The following PLXNA4 variants were observed in gnomAD, a reference collection of about 807,000 sequenced individuals.
PLXNA4 encodes the protein plexin-A4.
In PLXNA4, 44 loss-of-function variants were observed where a neutral mutation model predicts 191.8. The ratio of observed to expected loss-of-function variants is 0.23; its 90% CI spans 0.18 to 0.29. The LOEUF (loss-of-function observed/expected upper bound fraction) is 0.29. Ranked by LOEUF, PLXNA4 falls within the 10% of genes least tolerant of loss-of-function variation. The pLI, the probability that PLXNA4 is intolerant of heterozygous loss-of-function variation, is 1.00. For missense variants in PLXNA4, 1,800 were observed against 2,488.8 expected (o/e 0.72, Z 5.89); for synonymous variants, 1,082 against 1,009.5 (o/e 1.07, Z -1.36).
At chr7:132,210,244 C>T (rs893386577) in intron 10 of PLXNA4, among the ~76,000 whole-genome samples, 2 of 152,174 alleles carry the variant, frequency 1.3e-5, no homozygotes, top group Non-Finnish European at 2.9e-5. Flanking sequence ...GCTGGAAAGG[C>T]AACATGGCAG....
intron 3 of PLXNA4, among the ~76,000 whole-genome samples, chr7:132,428,777 T>A (rs1050672493): frequency 1.3e-5 from 2 of 151,996 alleles, no homozygotes; most frequent in Non-Finnish European, 2.9e-5. Flanking sequence ...TTGTTTCCAA[T>A]CAGTTTAGGA....
At chr7:132,131,616 G>T (rs1794929146) in intron 31 of PLXNA4, among the ~76,000 whole-genome samples, 1 of 152,252 alleles carries the variant, frequency 6.6e-6, no homozygotes, top group Admixed American at 6.5e-5. Flanking sequence ...AGCTGGCCAA[G>T]AACTGTCATT....
intron 1 of PLXNA4, among the ~76,000 whole-genome samples, chr7:132,553,975 G>A (rs1349627314): frequency 1.3e-5 from 2 of 152,132 alleles, no homozygotes; most frequent in African/African-American, 4.8e-5. Flanking sequence ...ACACACTACA[G>A]TGTATATCAC....
At chr7:132,313,285 G>A (rs1801817696) in intron 3 of PLXNA4, among the ~76,000 whole-genome samples, 1 of 152,220 alleles carries the variant, frequency 6.6e-6, no homozygotes, top group Non-Finnish European at 1.5e-5. Flanking sequence ...TGGATGGTGG[G>A]AGTCTGAGAC....
chr7:132,452,592 G>C (rs544397608), intron 3 of PLXNA4, among the ~76,000 whole-genome samples: 2 of 152,186 alleles, frequency 1.3e-5, no homozygotes, highest in African/African-American at 2.4e-5. Flanking sequence ...AAGGTGTAAG[G>C]GTCCAGCTCC....
At chr7:132,574,331 T>C (rs1307223881) in intron 1 of PLXNA4, among the ~76,000 whole-genome samples, 1 of 152,246 alleles carries the variant, frequency 6.6e-6, no homozygotes, top group African/African-American at 2.4e-5. Context: ...ACTGTTTACC[T>C]GGGAGGCACC....
chr7:132,412,400 G>A (rs920568657), intron 3 of PLXNA4, among the ~76,000 whole-genome samples: 4 of 152,118 alleles, frequency 2.6e-5, no homozygotes, highest in South Asian at 2.1e-4. Context: ...TCATGGAGCC[G>A]ATCACCTTGC....
At position 132,128,295 on chromosome 7, in the gene PLXNA4, C is replaced by G. The variant is rs1794833367; in HGVS notation, c.*2184G>C. On this transcript the variant is annotated 3_prime_UTR_variant, in exon 32 of 32. Coordinates refer to ENST00000321063, the MANE Select transcript of PLXNA4 (RefSeq NM_020911.2). ...CTTTGGTTATTTATTTTTTTTCTTC[C>G]TCTTCCAATGCATTGTTTCCCATTT... is the stretch of plus-strand genomic sequence containing the variant. 6.6e-6 allele frequency: 1 copy of G among 152,084 alleles called. No individual in the cohort carries two copies. The highest frequency in any genetic ancestry group is 1.9e-4 in the East Asian group (1 of 5,196). The allele number at this position is 152,084 out of a possible 1,614,324, so 9.4% of individuals were successfully genotyped here.
At chr7:132,229,825 G>T (rs935986894) in intron 5 of PLXNA4, among the ~76,000 whole-genome samples, 2 of 151,990 alleles carry the variant, frequency 1.3e-5, no homozygotes, top group African/African-American at 2.4e-5. Context: ...ATGAGGGAAG[G>T]GGGTACCTGG....
chr7:132,370,593 G>A (rs534216900), intron 3 of PLXNA4, among the ~76,000 whole-genome samples: 4 of 152,158 alleles, frequency 2.6e-5, no homozygotes, highest in Non-Finnish European at 5.9e-5. Context: ...GTATTTAGCG[G>A]TGCCAGCTAT....
Position 132,226,143 on chromosome 7 carries a change from A to T in PLXNA4, c.1982+18T>A. 2 of 1,605,574 alleles carry T rather than the reference A, an allele frequency of 1.2e-6. No individual in the cohort carries two copies. Among genetic ancestry groups the T allele is most frequent in the Non-Finnish European group, 1.7e-6 (2 of 1,172,634 alleles). ...TTGACCCCAGGAACGGGAAGTGGGT[A>T]AGGCTGGGGCCACTTACGAATTGTG... On this transcript the variant is annotated intron_variant, in intron 8 of 31. Transcript: ENST00000321063.
intron 2 of PLXNA4, among the ~76,000 whole-genome samples, chr7:132,612,681 A>C (rs1803075737): frequency 6.6e-6 from 1 of 151,506 alleles, no homozygotes; most frequent in Non-Finnish European, 1.5e-5. Context: ...AAAAAAAAAA[A>C]AAAGTCCTCA....
intron 25 of PLXNA4, among the ~76,000 whole-genome samples, chr7:132,149,139 G>A (rs897312980): frequency 6.6e-6 from 1 of 152,210 alleles, no homozygotes; most frequent in South Asian, 2.1e-4. Flanking sequence ...GAAACTGGCA[G>A]GTGTGTCACC....
intron 4 of PLXNA4, among the ~76,000 whole-genome samples, chr7:132,265,989 T>C (rs907366496): frequency 6.6e-6 from 1 of 152,130 alleles, no homozygotes; most frequent in Non-Finnish European, 1.5e-5. Flanking sequence ...AGCTCTAAAA[T>C]GGCTCAGAAT....
At chr7:132,488,542 A>G (rs1797654408) in intron 3 of PLXNA4, among the ~76,000 whole-genome samples, 1 of 152,204 alleles carries the variant, frequency 6.6e-6, no homozygotes, top group African/African-American at 2.4e-5. Flanking sequence ...CCTCCTGCCT[A>G]CCACCTTAGA....
intron 4 of PLXNA4, among the ~76,000 whole-genome samples, chr7:132,280,062 G>A (rs991180574): frequency 1.3e-5 from 2 of 152,050 alleles, no homozygotes; most frequent in East Asian, 1.9e-4. Flanking sequence ...TATTCTATTC[G>A]ACTTTATTCT....
In PLXNA4 at chr7:132,484,745, C is replaced by G. The variant is rs1160182845; in HGVS notation, c.1371+4547G>C. ...CCATTTGATTTCCTGACACTTCCAT[C>G]CATCTGCAGGGCTTTCTGTGCTATG... On this transcript the variant is annotated intron_variant, in intron 3 of 31. Transcript: ENST00000321063. 2.7e-5 allele frequency: 43 copies of G among 1,589,730 alleles called. No homozygotes were observed. In the East Asian group the frequency reaches 9.7e-4, roughly 36 times the overall value.
At chr7:132,563,934 G>GTCC (rs1167405519) in intron 1 of PLXNA4, among the ~76,000 whole-genome samples, 1,010 of 44,254 alleles carry the variant, frequency 0.023, 59 homozygotes, top group African/African-American at 0.09. Context: ...CCTTTTCCTC[G>GTCC]TCCTCCTCCT....
intron 3 of PLXNA4, among the ~76,000 whole-genome samples, chr7:132,303,136 G>A (rs904735959): frequency 6.6e-6 from 1 of 151,560 alleles, no homozygotes; most frequent in African/African-American, 2.4e-5. Context: ...GCCTCCCAAA[G>A]TGCTGGGATT....
Sources: gnomAD v4.1 joint callset for allele counts (sites outside exome capture counted in the v4.1 genomes callset) on GRCh38, gnomAD v4.1.1 for gene constraint, MANE v1.5 for transcripts, NCBI Gene and HGNC (gene_info 2026-07-23, HGNC 2026-07-21) for gene names.